Variants in NTM observed in about 807,000 individuals in gnomAD.
NTM encodes neurotrimin.
A neutral mutation model predicts 42.1 loss-of-function variants in NTM; 13 were observed. That is an observed-to-expected ratio of 0.31 (90% CI 0.20 to 0.49). The LOEUF (loss-of-function observed/expected upper bound fraction) is 0.49, where lower values mean the gene tolerates loss of function less well. Ranked by LOEUF, NTM falls within the 20% of genes least tolerant of loss-of-function variation. NTM has a pLI of 0.99. For synonymous variants in NTM, 187 were observed against 179.2 expected (o/e 1.04, Z -0.35); for missense variants, 373 against 452.8 (o/e 0.82, Z 1.60).
At chr11:131,978,600 A>G (rs1367203341) in intron 2 of NTM, among the ~76,000 whole-genome samples, 2 of 151,944 alleles carry the variant, frequency 1.3e-5, no homozygotes, top group Admixed American at 6.5e-5. Context: ...CCTATTGCCT[A>G]TGACTGTTCC....
intron 1 of NTM, among the ~76,000 whole-genome samples, chr11:131,371,934 A>G (rs1263476679): frequency 6.6e-6 from 1 of 152,170 alleles, no homozygotes; most frequent in Admixed American, 6.5e-5. Flanking sequence ...GCTCAGTCCT[A>G]TGCAGTTGTA....
intron 4 of NTM, among the ~76,000 whole-genome samples, chr11:132,259,022 C>G (rs2092679449): frequency 6.6e-6 from 1 of 152,108 alleles, no homozygotes; most frequent in Admixed American, 6.6e-5. Context: ...AAATATTACT[C>G]ATCTCTTTGT....
At chr11:132,233,314 G>T (rs545477042) in intron 4 of NTM, among the ~76,000 whole-genome samples, 2 of 152,152 alleles carry the variant, frequency 1.3e-5, no homozygotes, top group Non-Finnish European at 2.9e-5. Flanking sequence ...TAGCTACTTG[G>T]GAGGCTGAGG....
intron 2 of NTM, among the ~76,000 whole-genome samples, chr11:132,043,742 A>T (rs1054985170): frequency 6.6e-6 from 1 of 152,220 alleles, no homozygotes; most frequent in African/African-American, 2.4e-5. Context: ...AAGTCTGGGG[A>T]CTTACCATTG....
At chr11:132,321,844 A>G (rs1438224220) in intron 7 of NTM, among the ~76,000 whole-genome samples, 7 of 150,200 alleles carry the variant, frequency 4.7e-5, no homozygotes, top group African/African-American at 1.7e-4. Flanking sequence ...CAGAAACCCT[A>G]CAAGCCAGAA....
At position 132,335,206 on chromosome 11, in the gene NTM, G is replaced by A. The variant is rs921005310; in HGVS notation, c.*60G>A. 9 of 1,578,938 alleles carry A rather than the reference G, an allele frequency of 5.7e-6. No homozygotes were observed. Among genetic ancestry groups the A allele is most frequent in the Non-Finnish European group, 6.9e-6 (8 of 1,155,742 alleles). ...CGCCACCACCACCACCAACACAACA[G>A]CAATGGCAACACCGACAGCAACCAA... On this transcript the variant is annotated 3_prime_UTR_variant, in exon 9 of 9. Coordinates refer to ENST00000683400, the MANE Select transcript of NTM (RefSeq NM_001352005.2).
intron 1 of NTM, among the ~76,000 whole-genome samples, chr11:131,437,497 G>C (rs1014452682): frequency 3.3e-5 from 5 of 152,228 alleles, no homozygotes; most frequent in African/African-American, 9.7e-5. Context: ...ATTTAGGATA[G>C]TTAGCTCTTC....
chr11:131,518,722 C>T (rs144824605), intron 1 of NTM, among the ~76,000 whole-genome samples: 2 of 152,190 alleles, frequency 1.3e-5, no homozygotes, highest in African/African-American at 4.8e-5. Context: ...CTTTCCTCAT[C>T]TTTCCTGCTT....
At chr11:131,646,139 A>C (rs1478230556) in intron 1 of NTM, among the ~76,000 whole-genome samples, 1 of 152,190 alleles carries the variant, frequency 6.6e-6, no homozygotes, top group African/African-American at 2.4e-5. Context: ...GGGTCAGCAA[A>C]CTGTGCCCAT....
At chr11:131,871,445 A>C (rs2047772514) in intron 1 of NTM, among the ~76,000 whole-genome samples, 1 of 152,188 alleles carries the variant, frequency 6.6e-6, no homozygotes, top group African/African-American at 2.4e-5. Context: ...GTGACTTCTG[A>C]GGAAGTGGAG....
At chr11:132,294,845 A>G (rs1315010499) in intron 4 of NTM, among the ~76,000 whole-genome samples, 2 of 152,184 alleles carry the variant, frequency 1.3e-5, no homozygotes, top group Non-Finnish European at 2.9e-5. Flanking sequence ...TGATTCCACT[A>G]AGAAAAAATT....
intron 4 of NTM, among the ~76,000 whole-genome samples, chr11:132,228,863 A>C (rs2086864696): frequency 6.6e-6 from 1 of 151,932 alleles, no homozygotes. Context: ...AGCACTGCTC[A>C]TGTTGTCATG....
chr11:132,010,265 T>G (rs191718502), intron 2 of NTM, among the ~76,000 whole-genome samples: 95 of 152,350 alleles, frequency 6.2e-4, no homozygotes, highest in East Asian at 7.7e-4. Context: ...ACTCAACTTA[T>G]GTATGACAAA....
intron 1 of NTM, among the ~76,000 whole-genome samples, chr11:131,777,582 A>G (rs1173766878): frequency 1.3e-5 from 2 of 150,312 alleles, no homozygotes; most frequent in Non-Finnish European, 2.9e-5. Context: ...CTTGTTTCAG[A>G]AAAATGGCAT....
intron 1 of NTM, among the ~76,000 whole-genome samples, chr11:131,571,998 C>T (rs1269536069): frequency 6.6e-6 from 1 of 152,212 alleles, no homozygotes; most frequent in African/African-American, 2.4e-5. Flanking sequence ...CAATCTGAGA[C>T]CCTGGTTGGG....
At chr11:131,852,524 G>A (rs368747269) in intron 1 of NTM, among the ~76,000 whole-genome samples, 6 of 152,248 alleles carry the variant, frequency 3.9e-5, no homozygotes, top group Admixed American at 6.5e-5. Flanking sequence ...GAAGAGGTAG[G>A]CTAGCAGGTG....
intron 2 of NTM, among the ~76,000 whole-genome samples, chr11:132,103,236 C>A (rs565041633): frequency 7.1e-4 from 108 of 152,358 alleles, no homozygotes; most frequent in African/African-American, 2.5e-3. Flanking sequence ...ATTGGCACAT[C>A]GTCCCTGCCA....
At chr11:131,882,745 C>G (rs1342712102) in intron 1 of NTM, among the ~76,000 whole-genome samples, 1 of 152,170 alleles carries the variant, frequency 6.6e-6, no homozygotes, top group Non-Finnish European at 1.5e-5. Context: ...AACAAATATT[C>G]TCTGCTTATT....
At chr11:132,235,552 T>A (rs58521371) in intron 4 of NTM, among the ~76,000 whole-genome samples, 20,895 of 152,134 alleles carry the variant, frequency 0.14, 1,815 homozygotes, top group East Asian at 0.46. Flanking sequence ...CCTACTTTTC[T>A]TTTTCTTCCT....
Sources: allele counts gnomAD v4.1 joint callset (sites outside exome capture counted in the v4.1 genomes callset), GRCh38; gene constraint gnomAD v4.1.1; transcripts MANE v1.5; gene names NCBI Gene and HGNC (gene_info 2026-07-23, HGNC 2026-07-21).